Variants in GHITM observed in about 807,000 individuals in gnomAD.
The protein encoded by GHITM is growth hormone inducible transmembrane protein.
In GHITM, 24 loss-of-function variants were observed where a neutral mutation model predicts 38.7. That is an observed-to-expected ratio of 0.62 (90% CI 0.45 to 0.87). GHITM has a LOEUF of 0.87. GHITM is among the 40% of genes least tolerant of loss of function. The pLI is 0.00. For missense variants in GHITM, 420 were observed against 429.8 expected (o/e 0.98, Z 0.20); for synonymous variants, 154 against 147.8 (o/e 1.04, Z -0.30).
chr10:84,141,680 T>C, intron 2 of GHITM, 51 bp downstream of exon 2: 1 of 1,590,956 alleles, frequency 6.3e-7, no homozygotes, highest in Admixed American at 1.7e-5. Context: ...ATTTGTGCCC[T>C]TTCTTTTTGG....
chr10:84,150,915 G>T, intron 8 of GHITM, 35 bp downstream of exon 8: 1 of 1,407,724 alleles, frequency 7.1e-7, no homozygotes. Context: ...CTGTTACTCT[G>T]TCACATAAGG....
At chr10:84,143,636 C>G (rs551461503) in intron 3 of GHITM, among the ~76,000 whole-genome samples, 136 of 152,234 alleles carry the variant, frequency 8.9e-4, no homozygotes, top group African/African-American at 3.2e-3. Context: ...ACATTTCCTT[C>G]TCATTTTTTA....
chr10:84,141,545 G>C lies in GHITM; in HGVS notation c.45G>C (p.Arg15Ser). 6.2e-7 allele frequency: 1 copy of C among 1,613,658 alleles called. No individual in the cohort carries two copies. Among genetic ancestry groups the C allele is most frequent in the Non-Finnish European group, 8.5e-7 (1 of 1,179,652 alleles). The change falls in exon 2 of 9, where the codon AGG (arginine) becomes AGC (serine). Residue 15 changes from arginine (R) to serine (S), a missense_variant. Arg to Ser is a moderately radical substitution (Grantham distance 110, BLOSUM62 -1). Transcript: ENST00000372134. Reference protein sequence around the residue: ...RLVCLRTLPSRVFHPAFTKAS... With the variant: ...RLVCLRTLPSSVFHPAFTKAS... Reference sequence around the variant, plus strand: ...TGTGTCTCCGGACACTACCTTCTAGGGTTTTCCACCCAGCTTTCACCAAGG... The same window carrying C: ...TGTGTCTCCGGACACTACCTTCTAGCGTTTTCCACCCAGCTTTCACCAAGG...
In GHITM at chr10:84,150,122, G is replaced by T; in HGVS notation, c.660G>T (p.Trp220Cys). Residue 220 changes from tryptophan to cysteine, a missense_variant, in exon 7 of 9, where the codon TGG becomes TGT. Trp to Cys is a radical substitution (Grantham distance 215). Transcript: ENST00000372134. ...GTCCTCTTCTCATCAGAGCTGCATG[G>T]TACACAGCTGGCATTGTGGGAGGCC... ...LGGPLLIRAAWYTAGIVGGLS... is the reference protein window; with the variant it reads ...LGGPLLIRAACYTAGIVGGLS... 6.2e-7 allele frequency: 1 copy of T among 1,613,846 alleles called. No individual in the cohort carries two copies. Among genetic ancestry groups the T allele is most frequent in the South Asian group, 1.1e-5 (1 of 91,062 alleles).
chr10:84,144,896 G>C lies in GHITM; in HGVS notation c.363G>C (p.Lys121Asn), dbSNP rs1342026193. The change falls in exon 5 of 9, where the codon AAG becomes AAC. Residue 121 changes from lysine to asparagine, a missense_variant. Coordinates refer to ENST00000372134, the MANE Select transcript of GHITM (RefSeq NM_014394.3). Reference sequence around the variant, plus strand: ...ACAGAATTTGGCCTCAGTATGTCAAGGATAGAATTCATTCCACCTATATGT... The same window carrying C: ...ACAGAATTTGGCCTCAGTATGTCAACGATAGAATTCATTCCACCTATATGT... Reference protein sequence around the residue: ...EKAVIWPQYVKDRIHSTYMYL... With the variant: ...EKAVIWPQYVNDRIHSTYMYL... 1 of 1,600,176 alleles carries C rather than the reference G, an allele frequency of 6.2e-7. No homozygotes were observed. Among genetic ancestry groups the C allele is most frequent in the East Asian group, 2.2e-5 (1 of 44,474 alleles).
chr10:84,144,146 C>G (rs1434314556), intron 4 of GHITM, 40 bp downstream of exon 4: 1 of 1,289,252 alleles, frequency 7.8e-7, no homozygotes, highest in Admixed American at 1.7e-5. Context: ...CTAAACAACT[C>G]CAGCCTTAAA....
intron 5 of GHITM, among the ~76,000 whole-genome samples, chr10:84,145,359 A>G (rs12768331): frequency 0.41 from 62,151 of 152,110 alleles, 13,569 homozygotes; most frequent in Non-Finnish European, 0.5. Flanking sequence ...TTCTGATGAG[A>G]GTTACTCAAC....
chr10:84,141,463 A>G lies in GHITM; in HGVS notation c.-38A>G. 1 of 1,595,792 alleles carries G rather than the reference A, an allele frequency of 6.3e-7. No individual in the cohort carries two copies. The highest frequency in any genetic ancestry group is 8.6e-7 in the Non-Finnish European group (1 of 1,168,784). ...GGTTTTGCCTTTTTTTTAAACTAGC[A>G]TTTCAGATCTGCTCGGTAGACCTGG... On this transcript the variant is annotated splice_region_variant and 5_prime_UTR_variant, in exon 2 of 9. Coordinates refer to ENST00000372134, the MANE Select transcript of GHITM (RefSeq NM_014394.3).
intron 8 of GHITM, among the ~76,000 whole-genome samples, chr10:84,151,945 G>C (rs1841616660): frequency 6.6e-6 from 1 of 152,024 alleles, no homozygotes; most frequent in African/African-American, 2.4e-5. Flanking sequence ...TTTTTATAAA[G>C]GTGTTTCTTT....
intron 5 of GHITM, among the ~76,000 whole-genome samples, chr10:84,148,268 A>G (rs1260963200): frequency 6.6e-6 from 1 of 151,544 alleles, no homozygotes; most frequent in Non-Finnish European, 1.5e-5. Context: ...CAGAAAAATT[A>G]AAGTTTTTAT....
At chr10:84,142,617 A>G in intron 2 of GHITM, 38 bp from the exon 3 acceptor site, 2 of 1,262,112 alleles carry the variant, frequency 1.6e-6, no homozygotes, top group East Asian at 4.7e-5. Context: ...TTCTGTTTTC[A>G]TGTGGGTGGT....
At chr10:84,151,410 C>G (rs528721365) in intron 8 of GHITM, among the ~76,000 whole-genome samples, 1 of 152,158 alleles carries the variant, frequency 6.6e-6, no homozygotes, top group South Asian at 2.1e-4. Context: ...GGTATTCATT[C>G]CATTATCAGA....
At chr10:84,147,615 TC>T (rs1177231983) in intron 5 of GHITM, among the ~76,000 whole-genome samples, 17 of 125,012 alleles carry the variant, frequency 1.4e-4, no homozygotes, top group Middle Eastern at 8.5e-3. Flanking sequence ...TTCACCATGT[TC>T]TTTTTTTTTG....
chr10:84,149,852 A>C (rs146960636), intron 6 of GHITM, among the ~76,000 whole-genome samples: 2 of 152,222 alleles, frequency 1.3e-5, no homozygotes, highest in East Asian at 3.8e-4. Flanking sequence ...GATTAGGAAT[A>C]GTGTTAATGT....
Position 84,142,760 on chromosome 10 carries a change from TGGC to T in GHITM, c.229+7_229+9del. ...GATGGAAAAAATATTTAAAAGTAGG[TGGC>T]TATCTTTAGTTTTTAACCTAGAATC... On this transcript the variant is annotated splice_region_variant and intron_variant, in intron 3 of 8. Transcript: ENST00000372134. 1 of 1,485,636 alleles carries T rather than the reference TGGC, an allele frequency of 6.7e-7. No individual in the cohort carries two copies. Among genetic ancestry groups the T allele is most frequent in the Non-Finnish European group, 9.4e-7 (1 of 1,064,580 alleles). The allele number at this position is 1,485,636 out of a possible 1,614,324, so 92.0% of individuals were successfully genotyped here.
In GHITM at chr10:84,153,268, T is replaced by C. The variant is rs1030525609; in HGVS notation, c.*920T>C. ...ACCTCTTCAAGCTTTCAAGCCTTTA[T>C]AGAAAAGCTTCTTTGTGGCTTACAC... On this transcript the variant is annotated 3_prime_UTR_variant, in exon 9 of 9. Coordinates refer to ENST00000372134, the MANE Select transcript of GHITM (RefSeq NM_014394.3). The C allele has an allele frequency of 3.9e-5, 6 of 152,234 alleles. No individual in the cohort carries two copies. Among genetic ancestry groups the C allele is most frequent in the Admixed American group, 2.6e-4 (4 of 15,288 alleles). 9.4% of individuals were successfully genotyped at this position (152,234 alleles called of 1,614,324 possible).
rs779443991 is a variant in GHITM, at chr10:84,150,235, C to T, written c.773C>T (p.Ser258Phe). 6 of 1,603,346 alleles carry T rather than the reference C, an allele frequency of 3.7e-6. No individual in the cohort carries two copies. The highest frequency in any genetic ancestry group is 1.7e-5 in the Admixed American group (1 of 59,102). ...LGVGLGLVFV[S>F]SLGSMFLPPT... ...GTGGGCCTGGGTCTCGTCTTTGTGT[C>T]CTCATTGGGTAAGCTGCTGTGTTTT... The change falls in exon 7 of 9, where the codon TCC becomes TTC. Residue 258 changes from serine to phenylalanine, a missense_variant. By Grantham distance (155) the Ser-to-Phe change is radical (BLOSUM62 -2). Transcript: ENST00000372134.
intron 8 of GHITM, 67 bp downstream of exon 8, chr10:84,150,947 G>C: frequency 8.4e-7 from 1 of 1,192,300 alleles, no homozygotes; most frequent in African/African-American, 1.5e-5. Context: ...TATTTGACCT[G>C]TTTTGGTTTA....
In GHITM at chr10:84,152,455, A is replaced by G; in HGVS notation, c.*107A>G. 2 of 562,332 alleles carry G rather than the reference A, an allele frequency of 3.6e-6. No homozygotes were observed. The allele number at this position is 562,332 out of a possible 1,614,324, so 34.8% of individuals were successfully genotyped here. ...AGCTTTCGTTGAAGTTTAGAAGATA[A>G]GAAACATGTCATCATATTTAAATGT... On this transcript the variant is annotated 3_prime_UTR_variant, in exon 9 of 9. Transcript: ENST00000372134.
Sources: allele counts gnomAD v4.1 joint callset (sites outside exome capture counted in the v4.1 genomes callset), GRCh38; gene constraint gnomAD v4.1.1; transcripts MANE v1.5; gene names NCBI Gene and HGNC (gene_info 2026-07-23, HGNC 2026-07-21).